AXIN2: variants seen among roughly 807,000 people sequenced by gnomAD.
AXIN2 encodes axin 2, also known as axin-2.
In AXIN2, 21 loss-of-function variants were observed where a neutral mutation model predicts 74.7. That is an observed-to-expected ratio of 0.28 (90% CI 0.20 to 0.40). The LOEUF (loss-of-function observed/expected upper bound fraction) is 0.40. Among genes scored for constraint, AXIN2 ranks in the 10% least tolerant of loss-of-function variants. AXIN2 has a pLI of 1.00. For synonymous variants in AXIN2, 532 were observed against 454.9 expected (o/e 1.17, Z -2.16); for missense variants, 1,144 against 1,111.1 (o/e 1.03, Z -0.42).
chr17:65,557,365 A>T (rs934818303), intron 2 of AXIN2, among the ~76,000 whole-genome samples: 1 of 152,092 alleles, frequency 6.6e-6, no homozygotes, highest in African/African-American at 2.4e-5. Flanking sequence ...GGGTGCACAT[A>T]TTATTTCCTG....
At chr17:65,553,494 T>C (rs988249414) in intron 2 of AXIN2, among the ~76,000 whole-genome samples, 5 of 152,198 alleles carry the variant, frequency 3.3e-5, no homozygotes, top group Admixed American at 2.0e-4. Context: ...AGAAAATTCC[T>C]TCCTCCCAGC....
rs138459597 is a variant in AXIN2, at chr17:65,545,238, T to G, written c.957-3681A>C. Among the ~76,000 whole-genome samples, 479 of 152,266 alleles carry G rather than the reference T, an allele frequency of 3.1e-3. 5 individuals carry two copies. The highest frequency in any genetic ancestry group is 0.011 in the African/African-American group (462 of 41,530). On this transcript the variant is annotated intron_variant, in intron 3 of 10. Coordinates refer to ENST00000307078, the MANE Select transcript of AXIN2 (RefSeq NM_004655.4). ...AGCTTTCATGATTCCTGGCAACATC[T>G]AACCATGGCTACACTTGGGCGGCAA...
intron 4 of AXIN2, among the ~76,000 whole-genome samples, chr17:65,538,774 A>G (rs1173714055): frequency 6.7e-6 from 1 of 149,742 alleles, no homozygotes; most frequent in Admixed American, 6.7e-5. Context: ...AAACAGAAAG[A>G]GAGTTGAAAA....
intron 4 of AXIN2, among the ~76,000 whole-genome samples, chr17:65,540,427 A>T (rs1011080770): frequency 6.6e-6 from 1 of 152,198 alleles, no homozygotes; most frequent in Non-Finnish European, 1.5e-5. Context: ...AGCTGTAGAG[A>T]AGCATGGATC....
intron 2 of AXIN2, among the ~76,000 whole-genome samples, chr17:65,551,790 G>C (rs1396334040): frequency 6.6e-6 from 1 of 152,230 alleles, no homozygotes; most frequent in African/African-American, 2.4e-5. Flanking sequence ...TTAGCACCAT[G>C]TGGGCCAAAG....
At chr17:65,545,613 G>T (rs1313281214) in intron 3 of AXIN2, among the ~76,000 whole-genome samples, 5 of 151,954 alleles carry the variant, frequency 3.3e-5, no homozygotes, top group African/African-American at 1.2e-4. Context: ...CCAAGATCGC[G>T]CCACTGCACT....
intron 2 of AXIN2, among the ~76,000 whole-genome samples, chr17:65,551,256 C>T (rs990260740): frequency 6.6e-6 from 1 of 151,514 alleles, no homozygotes; most frequent in African/African-American, 2.4e-5. Context: ...AGATGGGACT[C>T]ATGGTTGAGC....
At chr17:65,551,828 G>A (rs1443174808) in intron 2 of AXIN2, among the ~76,000 whole-genome samples, 1 of 152,194 alleles carries the variant, frequency 6.6e-6, no homozygotes, top group Non-Finnish European at 1.5e-5. Context: ...CAGAGGAGCC[G>A]GACCACAGCT....
rs1567763331 is a variant in AXIN2, at chr17:65,549,404, A to G, written c.956+116T>C. The G allele has an allele frequency of 8.4e-6, 11 of 1,303,668 alleles. No homozygotes were observed. The South Asian group carries it at 1.3e-4, about 15-fold the overall frequency. The allele number at this position is 1,303,668 out of a possible 1,614,324, so 80.8% of individuals were successfully genotyped here. On this transcript the variant is annotated intron_variant, in intron 3 of 10. Coordinates refer to ENST00000307078, the MANE Select transcript of AXIN2 (RefSeq NM_004655.4). ...CTCCCCTCCCACCAAACTGATGTCC[A>G]TACATGCACAGGTGCGGTCTGCAAA...
chr17:65,533,877 A>C (rs758769764), intron 10 of AXIN2, 35 bp downstream of exon 10: 8 of 1,606,028 alleles, frequency 5.0e-6, no homozygotes, highest in Non-Finnish European at 5.1e-6. Flanking sequence ...CTGAGCAAAC[A>C]AACTGAGAGC....
chr17:65,557,196 T>G (rs1271890812), intron 2 of AXIN2, among the ~76,000 whole-genome samples: 1 of 152,106 alleles, frequency 6.6e-6, no homozygotes, highest in Admixed American at 6.5e-5. Context: ...AAGGTAAGGG[T>G]CCTTCATTTG....
At position 65,536,429 on chromosome 17, in the gene AXIN2, G is replaced by T. The variant is rs2043917337; in HGVS notation, c.2032C>A (p.Leu678Met). 1 of 1,613,672 alleles carries T rather than the reference G, an allele frequency of 6.2e-7. No individual in the cohort carries two copies. Among genetic ancestry groups the T allele is most frequent in the Non-Finnish European group, 8.5e-7 (1 of 1,180,000 alleles). ...GGCATCGCAGGGTCCTGGGTGAACA[G>T]GTGGGCACGGGGGGTGGTGCGGGGG... ...GHPRTTPRAH[L>M]FTQDPAMPPL... The change falls in exon 8 of 11, where the codon CTG (leucine) becomes ATG (methionine). Residue 678 changes from leucine (L) to methionine (M), a missense_variant. Physicochemically the swap from Leu to Met is conservative, Grantham distance 15. Transcript: ENST00000307078.
chr17:65,536,534 C>T lies in AXIN2; in HGVS notation c.1927G>A (p.Ala643Thr). Residue 643 changes from alanine (A) to threonine (T), a missense_variant, in exon 8 of 11, where the codon GCC (alanine) becomes ACC (threonine). Ala to Thr is a moderately conservative substitution (Grantham distance 58). Transcript: ENST00000307078. ...GAGCGGGCAGACTCCAAGGGGTAGGCCTTTTTTGTGCTTTGGGCACTAAAC... is the reference window on the plus strand; with the variant it reads ...GAGCGGGCAGACTCCAAGGGGTAGGTCTTTTTTGTGCTTTGGGCACTAAAC... Reference protein sequence around the residue: ...KPHSAQSTKKAYPLESARSSP... With the variant: ...KPHSAQSTKKTYPLESARSSP... 1 of 1,613,746 alleles carries T rather than the reference C, an allele frequency of 6.2e-7. No homozygotes were observed.
intron 9 of AXIN2, 51 bp downstream of exon 9, chr17:65,535,575 G>T: frequency 6.4e-7 from 1 of 1,559,076 alleles, no homozygotes; most frequent in South Asian, 1.1e-5. Flanking sequence ...CGAATATTCT[G>T]AAACATAAAG....
At chr17:65,560,647 G>C (rs1195150205) in intron 1 of AXIN2, 1 of 151,768 alleles carries the variant, frequency 6.6e-6, no homozygotes, top group African/African-American at 2.4e-5. Context: ...AGGGGGCTCC[G>C]GCGCAGGGCG....
rs761978806 is a variant in AXIN2, at chr17:65,537,063, G to C, written c.1713C>G (p.Gly571=). The change falls in exon 7 of 11, where the codon GGC becomes GGG. Residue 571 remains glycine, a splice_region_variant and synonymous_variant. Coordinates refer to ENST00000307078, the MANE Select transcript of AXIN2 (RefSeq NM_004655.4). ...APETMPSEQF[G]GSRGSTLPKR... is the part of the protein sequence containing the mutation. ...TGGGCAAGGTACTGCCTCTGCTGCC[G>C]CTGTGGGGAACCAAGAACCACACCC... 8.1e-6 allele frequency: 13 copies of C among 1,602,410 alleles called. No individual in the cohort carries two copies. Among genetic ancestry groups the C allele is most frequent in the Admixed American group, 1.7e-5 (1 of 59,340 alleles).
chr17:65,551,795 C>A (rs181927498), intron 2 of AXIN2, among the ~76,000 whole-genome samples: 1 of 152,318 alleles, frequency 6.6e-6, no homozygotes, highest in East Asian at 1.9e-4. Flanking sequence ...ACCATGTGGG[C>A]CAAAGGCCTT....
At chr17:65,549,123 G>T (rs765664539) in intron 3 of AXIN2, among the ~76,000 whole-genome samples, 11 of 152,166 alleles carry the variant, frequency 7.2e-5, no homozygotes, top group Non-Finnish European at 1.2e-4. Flanking sequence ...TTGTCTCCCA[G>T]CTGTTGGTTC....
In AXIN2 at chr17:65,538,240, C is replaced by A. The variant is rs368502813; in HGVS notation, c.1163G>T (p.Arg388Leu). ...LEKLKLELESRHSLEERLQQI... is the reference protein window; with the variant it reads ...LEKLKLELESLHSLEERLQQI... ...CTGCAGGCGCTCCTCCAGGCTGTGG[C>A]GGCTCTCCAACTCCAGCTTCAGCTT... The change falls in exon 5 of 11, where the codon CGC becomes CTC. Residue 388 changes from arginine to leucine, a missense_variant. Around this residue, in one of 4 missense-constraint regions of AXIN2, gnomAD observed 1,053 missense variants for 973.5 expected, o/e 1.08. Coordinates refer to ENST00000307078, the MANE Select transcript of AXIN2 (RefSeq NM_004655.4). 1 of 1,614,166 alleles carries A rather than the reference C, an allele frequency of 6.2e-7. No homozygotes were observed. Among genetic ancestry groups the A allele is most frequent in the South Asian group, 1.1e-5 (1 of 91,090 alleles).
Sources: gnomAD v4.1 joint callset for allele counts (sites outside exome capture counted in the v4.1 genomes callset) on GRCh38, gnomAD v4.1.1 for gene constraint, gnomAD v4.1.1 regional missense constraint, MANE v1.5 for transcripts, NCBI Gene and HGNC (gene_info 2026-07-23, HGNC 2026-07-21) for gene names.